LHFPL6: variants seen among roughly 807,000 people sequenced by gnomAD.
LHFPL6 encodes LHFPL tetraspan subfamily member 6.
A neutral mutation model predicts 20.6 loss-of-function variants in LHFPL6; 9 were observed. That is an observed-to-expected ratio of 0.44 (90% CI 0.26 to 0.76). The LOEUF (loss-of-function observed/expected upper bound fraction) is 0.76, where lower values mean the gene tolerates loss of function less well. Ranked by LOEUF, LHFPL6 falls within the 30% of genes least tolerant of loss-of-function variation. The pLI is 0.20. For missense variants in LHFPL6, 218 were observed against 253.5 expected (o/e 0.86, Z 0.95); for synonymous variants, 105 against 98.7 (o/e 1.06, Z -0.38).
intron 2 of LHFPL6, among the ~76,000 whole-genome samples, chr13:39,406,049 C>T (rs1238417948): frequency 6.6e-6 from 1 of 152,154 alleles, no homozygotes; most frequent in Non-Finnish European, 1.5e-5. Flanking sequence ...CACCAGAGTT[C>T]GGGATGAATG....
At chr13:39,480,745 T>C (rs1219922836) in intron 2 of LHFPL6, among the ~76,000 whole-genome samples, 1 of 152,190 alleles carries the variant, frequency 6.6e-6, no homozygotes, top group Admixed American at 6.5e-5. Flanking sequence ...ACCATAATTT[T>C]TACCATGGCA....
intron 2 of LHFPL6, among the ~76,000 whole-genome samples, chr13:39,516,249 C>A (rs1869911672): frequency 6.6e-6 from 1 of 152,210 alleles, no homozygotes; most frequent in Non-Finnish European, 1.5e-5. Flanking sequence ...ACATTTCTAT[C>A]CTGGCAAAGG....
chr13:39,538,483 T>C (rs1002358684), intron 2 of LHFPL6, among the ~76,000 whole-genome samples: 1 of 146,992 alleles, frequency 6.8e-6, no homozygotes, highest in African/African-American at 2.5e-5. Context: ...GAGAGCAACA[T>C]ACTAGATGAC....
At chr13:39,352,205 C>T (rs1284057288) in intron 3 of LHFPL6, among the ~76,000 whole-genome samples, 2 of 152,158 alleles carry the variant, frequency 1.3e-5, no homozygotes, top group Non-Finnish European at 2.9e-5. Context: ...ACTAATGCTA[C>T]CTGCAGGAGA....
At chr13:39,455,686 C>T (rs1008550584) in intron 2 of LHFPL6, among the ~76,000 whole-genome samples, 1 of 152,128 alleles carries the variant, frequency 6.6e-6, no homozygotes, top group African/African-American at 2.4e-5. Context: ...TGTTGCTTCT[C>T]ACAGTTAACG....
chr13:39,543,543 C>T (rs1269341831), intron 2 of LHFPL6, among the ~76,000 whole-genome samples: 2 of 152,140 alleles, frequency 1.3e-5, no homozygotes, highest in African/African-American at 4.8e-5. Context: ...GTTTCTTTTA[C>T]TTCGTCATAG....
intron 2 of LHFPL6, among the ~76,000 whole-genome samples, chr13:39,547,891 A>G (rs1393673156): frequency 6.6e-6 from 1 of 152,120 alleles, no homozygotes; most frequent in Non-Finnish European, 1.5e-5. Context: ...GAAATGCCCC[A>G]AAGTGAAGAA....
In LHFPL6 at chr13:39,508,506, GA is replaced by G. The variant is rs1367180859; in HGVS notation, c.385+92325del. On this transcript the variant is annotated intron_variant, in intron 2 of 3. Coordinates refer to ENST00000379589, the MANE Select transcript of LHFPL6 (RefSeq NM_005780.3). Reference sequence around the variant, plus strand: ...ATTCCATTCTATACTCCCCATCCTAGAAAACCATCCATCTGCTTTCTTTCAC... The same window carrying G: ...ATTCCATTCTATACTCCCCATCCTAGAAACCATCCATCTGCTTTCTTTCAC... Among the ~76,000 whole-genome samples, 4 of 152,148 alleles carry G rather than the reference GA, an allele frequency of 2.6e-5. No homozygotes were observed. In the East Asian group the frequency reaches 7.7e-4, roughly 29 times the overall value.
intron 3 of LHFPL6, among the ~76,000 whole-genome samples, chr13:39,361,782 T>C (rs1340550607): frequency 6.6e-6 from 1 of 152,242 alleles, no homozygotes; most frequent in Non-Finnish European, 1.5e-5. Flanking sequence ...ATAAGGTCTG[T>C]AGATTAGATA....
At position 39,544,732 on chromosome 13, in the gene LHFPL6, C is replaced by T. The variant is rs114057152; in HGVS notation, c.385+56100G>A. On this transcript the variant is annotated intron_variant, in intron 2 of 3. Coordinates refer to ENST00000379589, the MANE Select transcript of LHFPL6 (RefSeq NM_005780.3). ...CAAGAATCTGGTAAAAGTAGACATACTAAAATAGAACTATCAATGGGAAAA... is the reference window on the plus strand; with the variant it reads ...CAAGAATCTGGTAAAAGTAGACATATTAAAATAGAACTATCAATGGGAAAA... 2.6e-3 allele frequency among the ~76,000 whole-genome samples: 403 copies of T among 152,150 alleles called. 5 individuals carry two copies. Among genetic ancestry groups the T allele is most frequent in the African/African-American group, 9.3e-3 (386 of 41,490 alleles).
chr13:39,370,703 A>G (rs993522925), intron 3 of LHFPL6, among the ~76,000 whole-genome samples: 1 of 152,338 alleles, frequency 6.6e-6, no homozygotes, highest in Admixed American at 6.5e-5. Flanking sequence ...ATGCCTGCAG[A>G]AACTGCACAG....
intron 2 of LHFPL6, among the ~76,000 whole-genome samples, chr13:39,383,333 G>T (rs145649347): frequency 6.6e-6 from 1 of 152,324 alleles, no homozygotes; most frequent in African/African-American, 2.4e-5. Flanking sequence ...AGGGAGCACA[G>T]GTCCAAAGAG....
intron 2 of LHFPL6, among the ~76,000 whole-genome samples, chr13:39,517,463 A>G (rs1199986045): frequency 2.0e-5 from 3 of 152,194 alleles, no homozygotes; most frequent in African/African-American, 7.2e-5. Flanking sequence ...TCTTAAATGA[A>G]TGTAATTAAT....
At chr13:39,544,234 C>T (rs1870902329) in intron 2 of LHFPL6, among the ~76,000 whole-genome samples, 1 of 152,144 alleles carries the variant, frequency 6.6e-6, no homozygotes, top group Non-Finnish European at 1.5e-5. Flanking sequence ...GGCTCGTTCA[C>T]TGAGGAAGAA....
rs576686165 is a variant in LHFPL6 at position 39,546,793 on chromosome 13, C to T, written c.385+54039G>A. Among the ~76,000 whole-genome samples, 39 of 152,172 alleles carry T rather than the reference C, an allele frequency of 2.6e-4. 1 individual carries two copies. The highest frequency in any genetic ancestry group is 8.9e-4 in the African/African-American group (37 of 41,454). ...CTCTATTCCATGTCTTTGTCCACTG[C>T]TTTTTTACTGCCACAAAGGACTCCT... On this transcript the variant is annotated intron_variant, in intron 2 of 3. Coordinates refer to ENST00000379589, the MANE Select transcript of LHFPL6 (RefSeq NM_005780.3).
chr13:39,479,680 A>G (rs2138444009), intron 2 of LHFPL6, among the ~76,000 whole-genome samples: 1 of 152,364 alleles, frequency 6.6e-6, no homozygotes, highest in East Asian at 1.9e-4. Flanking sequence ...AATGCTGGAA[A>G]TATAATAATG....
At chr13:39,432,620 C>T (rs945815418) in intron 2 of LHFPL6, among the ~76,000 whole-genome samples, 5 of 152,172 alleles carry the variant, frequency 3.3e-5, no homozygotes, top group Non-Finnish European at 7.3e-5. Context: ...CCAGGCAGTT[C>T]TTGTTTCCTT....
At chr13:39,526,415 T>A (rs1322300851) in intron 2 of LHFPL6, among the ~76,000 whole-genome samples, 1 of 152,204 alleles carries the variant, frequency 6.6e-6, no homozygotes, top group East Asian at 1.9e-4. Flanking sequence ...ACACTAAAAA[T>A]GACACAAATA....
In LHFPL6 at chr13:39,569,156, CGGATGGATGGAT is replaced by C. The variant is rs59443260; in HGVS notation, c.385+31664_385+31675del. ...ATGGATGGATGGATGGATGGACGGACGGATGGATGGATGGATGGATGGATGGATGGATGGATT... is the reference window on the plus strand; with the variant it reads ...ATGGATGGATGGATGGATGGACGGACGGATGGATGGATGGATGGATGGATT... On this transcript the variant is annotated intron_variant, in intron 2 of 3. Coordinates refer to ENST00000379589, the MANE Select transcript of LHFPL6 (RefSeq NM_005780.3). Among the ~76,000 whole-genome samples, 29 of 97,284 alleles carry C rather than the reference CGGATGGATGGAT, an allele frequency of 3.0e-4. 1 individual carries two copies. The highest frequency in any genetic ancestry group is 9.0e-4 in the East Asian group (4 of 4,452). The allele number at this position is 97,284 out of a possible 152,430, so 63.8% of individuals were successfully genotyped here.
Sources: allele counts gnomAD v4.1 joint callset (sites outside exome capture counted in the v4.1 genomes callset), GRCh38; gene constraint gnomAD v4.1.1; transcripts MANE v1.5; gene names NCBI Gene and HGNC (gene_info 2026-07-23, HGNC 2026-07-21).